The following ENPP1 variants were observed in gnomAD, a reference collection of about 807,000 sequenced individuals.
ENPP1 encodes the protein ectonucleotide pyrophosphatase/phosphodiesterase 1.
Under a neutral mutation model 122.8 loss-of-function variants are expected in ENPP1, and 73 were observed. The observed-to-expected ratio is 0.59, with a 90% CI of 0.49 to 0.72. The LOEUF (loss-of-function observed/expected upper bound fraction) is 0.72, where lower values mean the gene tolerates loss of function less well. Ranked by LOEUF, ENPP1 falls within the 30% of genes least tolerant of loss-of-function variation. The pLI, the probability that ENPP1 is intolerant of heterozygous loss-of-function variation, is 0.00. For missense variants in ENPP1, 978 were observed against 1,128.1 expected (o/e 0.87, Z 1.91); for synonymous variants, 367 against 391.6 (o/e 0.94, Z 0.74).
intron 19 of ENPP1, among the ~76,000 whole-genome samples, chr6:131,879,176 T>TA (rs1329776415): frequency 6.6e-6 from 1 of 152,188 alleles, no homozygotes; most frequent in African/African-American, 2.4e-5. Flanking sequence ...TTTGTCTCTA[T>TA]AAAATCCCTA....
At position 131,847,856 on chromosome 6, in the gene ENPP1, G is replaced by GGTGTGTGTGTGTGTGT; in HGVS notation, c.313+31_313+46dup. The GGTGTGTGTGTGTGTGT allele has an allele frequency of 1.7e-6, 2 of 1,181,202 alleles. No homozygotes were observed. The highest frequency in any genetic ancestry group is 4.9e-5 in the East Asian group (2 of 40,510). The allele number at this position is 1,181,202 out of a possible 1,614,324, so 73.2% of individuals were successfully genotyped here. On this transcript the variant is annotated intron_variant, in intron 2 of 24. Coordinates refer to ENST00000647893, the MANE Select transcript of ENPP1 (RefSeq NM_006208.3). ...CAAGCTGTGCCAAAGAAGGTAATTA[G>GGTGTGTGTGTGTGTGT]GTGTGTGTGTGTGTGTGTGTGTGTG...
intron 1 of ENPP1, chr6:131,827,578 G>C (rs1203168402): frequency 5.0e-6 from 3 of 594,368 alleles, no homozygotes; most frequent in Non-Finnish European, 9.4e-6. Flanking sequence ...GAGTGATGTA[G>C]GTTAAAAAAT....
At chr6:131,839,703 T>C (rs1418856461) in intron 1 of ENPP1, among the ~76,000 whole-genome samples, 1 of 151,926 alleles carries the variant, frequency 6.6e-6, no homozygotes, top group East Asian at 1.9e-4. Context: ...TAACCAAAAA[T>C]TGGGACCATA....
intron 18 of ENPP1, 119 bp downstream of exon 18, chr6:131,877,280 A>G (rs1782242632): frequency 1.1e-6 from 1 of 942,352 alleles, no homozygotes; most frequent in Non-Finnish European, 1.7e-6. Flanking sequence ...GTAGGTAAAC[A>G]TATGTTTTAA....
rs1409437901 is a variant in ENPP1 at position 131,885,028 on chromosome 6, T to C, written c.2409T>C (p.Tyr803=). ...VVSGPVFDFD[Y]DGRCDSLENL... ...GTGGTCCTGTGTTTGACTTTGATTA[T>C]GATGGACGTTGTGATTCCTTAGAGA... is the stretch of plus-strand genomic sequence containing the variant. The change falls in exon 23 of 25, where the codon TAT becomes TAC. Residue 803 remains tyrosine, a synonymous_variant. Coordinates refer to ENST00000647893, the MANE Select transcript of ENPP1 (RefSeq NM_006208.3). 1 of 1,614,118 alleles carries C rather than the reference T, an allele frequency of 6.2e-7. No individual in the cohort carries two copies. The highest frequency in any genetic ancestry group is 1.1e-5 in the South Asian group (1 of 91,082).
At chr6:131,848,533 T>G (rs1199819115) in intron 2 of ENPP1, among the ~76,000 whole-genome samples, 2 of 152,142 alleles carry the variant, frequency 1.3e-5, no homozygotes, top group Admixed American at 1.3e-4. Context: ...TTTAAAAAAT[T>G]TTTAGTGATT....
At chr6:131,834,804 C>T (rs1313432853) in intron 1 of ENPP1, among the ~76,000 whole-genome samples, 2 of 152,018 alleles carry the variant, frequency 1.3e-5, no homozygotes, top group African/African-American at 4.8e-5. Flanking sequence ...CGTGATCTGC[C>T]CTCCTTGGCC....
intron 22 of ENPP1, among the ~76,000 whole-genome samples, chr6:131,884,493 G>C (rs1782351609): frequency 6.6e-6 from 1 of 152,212 alleles, no homozygotes; most frequent in South Asian, 2.1e-4. Flanking sequence ...AGCCAAGGCT[G>C]GGTGTGGTGG....
At chr6:131,870,970 G>A (rs1331064448) in intron 13 of ENPP1, among the ~76,000 whole-genome samples, 2 of 152,068 alleles carry the variant, frequency 1.3e-5, no homozygotes, top group African/African-American at 4.8e-5. Flanking sequence ...CAGCTACTGG[G>A]AAGGCTGAGG....
At chr6:131,877,866 A>AAAAAAAAAAAAAAAAAATAT (rs1562183349) in intron 18 of ENPP1, 1 of 53,022 alleles carries the variant, frequency 1.9e-5, no homozygotes, top group African/African-American at 9.3e-5. Context: ...AAAAAAAAAA[A>AAAAAAAAAAAAAAAAAATAT]ATATATATAT....
intron 5 of ENPP1, among the ~76,000 whole-genome samples, chr6:131,853,313 G>A (rs542494015): frequency 5.3e-4 from 80 of 152,166 alleles, no homozygotes; most frequent in African/African-American, 1.9e-3. Context: ...TAAATCCAAG[G>A]AATACTGGGA....
At chr6:131,859,885 A>G (rs1312792622) in intron 7 of ENPP1, among the ~76,000 whole-genome samples, 1 of 152,246 alleles carries the variant, frequency 6.6e-6, no homozygotes. Flanking sequence ...TGAGGCCCTC[A>G]GCAAACCTTT....
In ENPP1 at chr6:131,895,143, C is replaced by T. The variant is rs757686892; in HGVS notation, c.*4632C>T. ...AAGAAATGTGGATGTTCAAATAAAA[C>T]ATACGTACAGAACTCTGGCTGCTTT... is the stretch of plus-strand genomic sequence containing the variant. On this transcript the variant is annotated 3_prime_UTR_variant, in exon 25 of 25. Transcript: ENST00000647893. The T allele has an allele frequency of 1.3e-5, 2 of 152,254 alleles. No individual in the cohort carries two copies. Among genetic ancestry groups the T allele is most frequent in the Non-Finnish European group, 2.9e-5 (2 of 68,050 alleles). The allele number at this position is 152,254 out of a possible 1,614,324, so 9.4% of individuals were successfully genotyped here.
intron 1 of ENPP1, 122 bp downstream of exon 1, chr6:131,808,397 G>A: frequency 8.1e-7 from 1 of 1,235,872 alleles, no homozygotes; most frequent in Non-Finnish European, 1.0e-6. Flanking sequence ...GTCCGGGAGT[G>A]CTTCTTCGCC....
chr6:131,841,533 A>G (rs923862172), intron 1 of ENPP1, among the ~76,000 whole-genome samples: 1 of 152,238 alleles, frequency 6.6e-6, no homozygotes, highest in Admixed American at 6.5e-5. Context: ...ATGTCACTTA[A>G]CAAACTGACT....
At chr6:131,812,054 G>A (rs185218110) in intron 1 of ENPP1, among the ~76,000 whole-genome samples, 120 of 152,246 alleles carry the variant, frequency 7.9e-4, no homozygotes, top group Non-Finnish European at 1.2e-3. Context: ...ACAGAGCAGC[G>A]GGATTTCAGG....
chr6:131,880,926 C>T (rs979979185), intron 20 of ENPP1, among the ~76,000 whole-genome samples: 9 of 152,086 alleles, frequency 5.9e-5, no homozygotes, highest in Admixed American at 1.3e-4. Flanking sequence ...CAGCCTTCCC[C>T]CTCACCCATG....
chr6:131,843,985 G>GTGTGTGTGTA (rs1781773798), intron 1 of ENPP1, among the ~76,000 whole-genome samples: 1 of 152,080 alleles, frequency 6.6e-6, no homozygotes, highest in Non-Finnish European at 1.5e-5. Context: ...GTGTTTTTGT[G>GTGTGTGTGTA]TGTGTGTGTA....
intron 8 of ENPP1, 129 bp downstream of exon 8, chr6:131,860,635 A>T: frequency 1.4e-6 from 1 of 691,424 alleles, no homozygotes; most frequent in Admixed American, 2.5e-5. Context: ...ATTCTTTTGT[A>T]AATGGAGATG....
Sources: allele counts gnomAD v4.1 joint callset (sites outside exome capture counted in the v4.1 genomes callset), GRCh38; gene constraint gnomAD v4.1.1; transcripts MANE v1.5; gene names NCBI Gene and HGNC (gene_info 2026-07-23, HGNC 2026-07-21).